Variants in NSMF observed in about 807,000 individuals in gnomAD.
NSMF encodes NMDA receptor synaptonuclear signaling and neuronal migration factor.
NSMF carries 31 observed loss-of-function variants against 71.0 expected under a neutral mutation model. That is an observed-to-expected ratio of 0.44 (90% CI 0.33 to 0.59). The LOEUF is 0.59. NSMF is among the 20% of genes least tolerant of loss of function. The pLI, the probability that NSMF is intolerant of heterozygous loss-of-function variation, is 0.04. For synonymous variants in NSMF, 345 were observed against 287.1 expected (o/e 1.20, Z -2.04); for missense variants, 673 against 740.5 (o/e 0.91, Z 1.06).
intron 1 of NSMF, 98 bp from the exon 2 acceptor site, chr9:137,458,647 C>T (rs1008855787): frequency 7.4e-6 from 9 of 1,211,566 alleles, no homozygotes; most frequent in East Asian, 5.1e-5. Context: ...GCCAGGCCCT[C>T]GGCGTCTGGA....
rs1839752741 is a variant in NSMF, at chr9:137,448,963, G to A, written c.*431C>T. Reference sequence around the variant, plus strand: ...GCAGGGAGGGTCCTGAACACATGTGGGCTGCTGGGCTGCTGGGCCGGGGTG... The same window carrying A: ...GCAGGGAGGGTCCTGAACACATGTGAGCTGCTGGGCTGCTGGGCCGGGGTG... On this transcript the variant is annotated 3_prime_UTR_variant, in exon 16 of 16. Transcript: ENST00000371475. The surrounding 1 kb of genome is among the most constrained non-coding windows in gnomAD (Gnocchi z 5.3). The A allele has an allele frequency of 6.3e-6, 2 of 318,960 alleles. No homozygotes were observed. The highest frequency in any genetic ancestry group is 2.7e-5 in the South Asian group (1 of 37,604). The allele number at this position is 318,960 out of a possible 1,614,324, so 19.8% of individuals were successfully genotyped here.
chr9:137,454,991 AG>A (rs1037836573), intron 6 of NSMF: 5 of 718,312 alleles, frequency 7.0e-6, no homozygotes, highest in African/African-American at 5.3e-5. Flanking sequence ...GGAGTGGGGG[AG>A]GGGGGCCTTG....
At chr9:137,451,038 T>TC (rs1303358257) in intron 12 of NSMF, among the ~76,000 whole-genome samples, 8 of 29,728 alleles carry the variant, frequency 2.7e-4, no homozygotes, top group Non-Finnish European at 4.3e-4. Context: ...CCCCTTGATC[T>TC]CCCCTCCACG....
In NSMF at chr9:137,457,906, G is replaced by A. The variant is rs1425765541; in HGVS notation, c.134-5C>T. On this transcript the variant is annotated splice_polypyrimidine_tract_variant and splice_region_variant and intron_variant, in intron 2 of 15. Coordinates refer to ENST00000371475, the MANE Select transcript of NSMF (RefSeq NM_001130969.3). ...AGGCATCAGCCAGCAGGTGATCTAG[G>A]AGAGACACTGAGTGAGCCTGCCTGC... 1.1e-5 allele frequency: 17 copies of A among 1,540,924 alleles called. No individual in the cohort carries two copies. The highest frequency in any genetic ancestry group is 9.7e-5 in the Admixed American group (5 of 51,296).
Position 137,449,912 on chromosome 9 carries a change from G to A in NSMF, c.1419+11C>T, listed in dbSNP as rs746255056. The A allele has an allele frequency of 1.2e-6, 2 of 1,605,286 alleles. No homozygotes were observed. The highest frequency in any genetic ancestry group is 4.5e-5 in the East Asian group (2 of 44,860). On this transcript the variant is annotated intron_variant, in intron 14 of 15. Transcript: ENST00000371475. ...CCAGAGGTCTGGGGTGGGGCTTGGG[G>A]GTCACTGTACCTTCTCTCCATTGGG...
chr9:137,456,210 G>GT (rs1009249590), intron 4 of NSMF, among the ~76,000 whole-genome samples: 1 of 151,848 alleles, frequency 6.6e-6, no homozygotes, highest in Non-Finnish European at 1.5e-5. Context: ...GTGTGTGTGG[G>GT]GGGGGGGGCT....
chr9:137,449,710 G>C (rs1480845558), intron 14 of NSMF, 36 bp from the exon 15 acceptor site: 4 of 1,581,438 alleles, frequency 2.5e-6, no homozygotes, highest in East Asian at 2.3e-5. Flanking sequence ...CCGAGGCAGA[G>C]AGATGGGGAA....
chr9:137,448,505 T>G lies in NSMF; in HGVS notation c.*889A>C, dbSNP rs1419664289. 1.3e-5 allele frequency: 2 copies of G among 151,696 alleles called. No individual in the cohort carries two copies. Among genetic ancestry groups the G allele is most frequent in the African/African-American group, 4.9e-5 (2 of 41,212 alleles). 9.4% of individuals were successfully genotyped at this position (151,696 alleles called of 1,614,324 possible). A position where few individuals can be genotyped will look rare whatever the true frequency, so the allele number is the denominator to read the frequency against. On this transcript the variant is annotated 3_prime_UTR_variant, in exon 16 of 16. Transcript: ENST00000371475. The surrounding 1 kb of genome is among the most constrained non-coding windows in gnomAD (Gnocchi z 5.3). The stretch of plus-strand genomic sequence containing the variant: ...GGGCCCACTGTGGTGCCAGCGAGTT[T>G]CTCAAAACCCAGGGCCCAGCCCCAG...
rs778150698 is a variant in NSMF, at chr9:137,449,639, A to G, written c.1455T>C (p.Tyr485=). 2 of 1,612,684 alleles carry G rather than the reference A, an allele frequency of 1.2e-6. No individual in the cohort carries two copies. Among genetic ancestry groups the G allele is most frequent in the Non-Finnish European group, 1.7e-6 (2 of 1,179,770 alleles). ...FQNLRTLMTP[Y]RVTFESPLEL... Reference sequence around the variant, plus strand: ...CCAGGGGTGACTCGAAGGTGACCCTATAAGGAGTCATGAGGGTCCTGAGGT... The same window carrying G: ...CCAGGGGTGACTCGAAGGTGACCCTGTAAGGAGTCATGAGGGTCCTGAGGT... The change falls in exon 15 of 16, where the codon TAT becomes TAC. Residue 485 remains tyrosine, a synonymous_variant. Coordinates refer to ENST00000371475, the MANE Select transcript of NSMF (RefSeq NM_001130969.3).
Position 137,457,523 on chromosome 9 carries a change from G to C in NSMF, c.512C>G (p.Ala171Gly). 6.2e-7 allele frequency: 1 copy of C among 1,608,566 alleles called. No individual in the cohort carries two copies. Among genetic ancestry groups the C allele is most frequent in the Non-Finnish European group, 8.5e-7 (1 of 1,178,192 alleles). ...AGGGGTGGGGCCAGGAGCCAGCTGGGCACATCCGGGGCACTCCTTGGAGCC... is the reference window on the plus strand; with the variant it reads ...AGGGGTGGGGCCAGGAGCCAGCTGGCCACATCCGGGGCACTCCTTGGAGCC... ...RQGSKECPGC[A>G]QLAPGPTPRA... is the part of the protein sequence containing the mutation. Residue 171 changes from alanine (A) to glycine (G), a missense_variant, in exon 3 of 16, where the codon GCC becomes GGC. Transcript: ENST00000371475.
intron 4 of NSMF, among the ~76,000 whole-genome samples, chr9:137,455,892 G>T (rs1005573636): frequency 6.6e-6 from 1 of 152,230 alleles, no homozygotes; most frequent in Admixed American, 6.5e-5. Flanking sequence ...GGCTGGGTGT[G>T]GGGTGGACTC....
Position 137,453,660 on chromosome 9 carries a change from G to A in NSMF, c.922+71C>T, listed in dbSNP as rs1830664697. 5 of 1,241,084 alleles carry A rather than the reference G, an allele frequency of 4.0e-6. No homozygotes were observed. The South Asian group carries it at 4.0e-5, about 10-fold the overall frequency. The allele number at this position is 1,241,084 out of a possible 1,614,324, so 76.9% of individuals were successfully genotyped here. ...GCGCAGCCCAGCGGCCCTGGCAGGG[G>A]ACCCCCAGCAGGGGTCTGGGGTCTA... On this transcript the variant is annotated intron_variant, in intron 8 of 15. Transcript: ENST00000371475. This position sits in a 1 kb window ranked among gnomAD's most constrained non-coding sequence, Gnocchi z 4.5.
At chr9:137,455,106 G>A (rs1484872283) in intron 6 of NSMF, 133 bp downstream of exon 6, 5 of 983,652 alleles carry the variant, frequency 5.1e-6, no homozygotes, top group South Asian at 1.3e-5. Flanking sequence ...TGCCTGCCAC[G>A]TCCCCAGAGC....
At chr9:137,455,712 C>T in intron 4 of NSMF, 78 bp from the exon 5 acceptor site, 1 of 1,488,954 alleles carries the variant, frequency 6.7e-7, no homozygotes, top group Non-Finnish European at 9.2e-7. Flanking sequence ...TCAGCCCCCA[C>T]CCGGTCCCTA....
At chr9:137,452,493 A>T in intron 11 of NSMF, 58 bp from the exon 12 acceptor site, 4 of 1,611,792 alleles carry the variant, frequency 2.5e-6, no homozygotes, top group Non-Finnish European at 3.4e-6. Context: ...GGGCACCCCC[A>T]CCTGTGTCTG....
At chr9:137,455,450 C>T (rs577764018) in intron 5 of NSMF, 143 bp from the exon 6 acceptor site, 41 of 1,139,056 alleles carry the variant, frequency 3.6e-5, no homozygotes, top group Non-Finnish European at 4.5e-5. Context: ...CCTCACCTGT[C>T]GAGGCCCAGC....
intron 4 of NSMF, among the ~76,000 whole-genome samples, chr9:137,455,845 T>C (rs1274022178): frequency 6.6e-6 from 1 of 152,196 alleles, no homozygotes; most frequent in East Asian, 1.9e-4. Context: ...CTGCAGCCCA[T>C]GCCACAAGGA....
intron 1 of NSMF, 75 bp downstream of exon 1, chr9:137,458,957 C>T (rs951837126): frequency 1.7e-6 from 2 of 1,163,034 alleles, no homozygotes; most frequent in African/African-American, 3.3e-5. Flanking sequence ...CGGGGAGCAC[C>T]GCGGGGCAGG....
rs983708666 is a variant in NSMF at position 137,457,596 on chromosome 9, G to T, written c.439C>A (p.Arg147=). The change falls in exon 3 of 16, where the codon CGG becomes AGG. Residue 147 remains arginine, a synonymous_variant. Coordinates refer to ENST00000371475, the MANE Select transcript of NSMF (RefSeq NM_001130969.3). ...TGGCAGGGCCTGCTGACGTCCTCCCGGCTGCCACCAGGGCTGGCGCGCAGG... is the reference window on the plus strand; with the variant it reads ...TGGCAGGGCCTGCTGACGTCCTCCCTGCTGCCACCAGGGCTGGCGCGCAGG... ...QPLRASPGGS[R]EDVSRPCQSW... is the part of the protein sequence containing the mutation. 11 of 1,559,154 alleles carry T rather than the reference G, an allele frequency of 7.1e-6. No homozygotes were observed. Among genetic ancestry groups the T allele is most frequent in the Admixed American group, 5.7e-5 (3 of 52,254 alleles).
Sources: gnomAD v4.1 joint callset for allele counts (sites outside exome capture counted in the v4.1 genomes callset) on GRCh38, gnomAD v4.1.1 for gene constraint, Gnocchi (gnomAD v3.1) non-coding constraint, MANE v1.5 for transcripts, NCBI Gene and HGNC (gene_info 2026-07-23, HGNC 2026-07-21) for gene names.